Variants in LRFN2 observed in about 807,000 individuals in gnomAD.
The protein encoded by LRFN2 is leucine-rich repeat and fibronectin type-III domain-containing protein 2.
Under a neutral mutation model 37.3 loss-of-function variants are expected in LRFN2, and 18 were observed. That is an observed-to-expected ratio of 0.48 (90% confidence interval 0.33 to 0.72). The LOEUF (loss-of-function observed/expected upper bound fraction) is 0.72, where lower values mean the gene tolerates loss of function less well. LRFN2 is among the 30% of genes least tolerant of loss of function. The pLI, the probability that LRFN2 is intolerant of heterozygous loss-of-function variation, is 0.02. For missense variants in LRFN2, 1,006 were observed against 1,060.7 expected, an observed-to-expected ratio of 0.95 and a Z score of 0.72; for synonymous variants, 556 against 466.6, an observed-to-expected ratio of 1.19 and a Z score of -2.47.
chr6:40,551,772 G>T (rs1766781782), intron 1 of LRFN2, among the ~76,000 whole-genome samples: 1 of 152,178 alleles, frequency 6.6e-6, no homozygotes, highest in South Asian at 2.1e-4. Flanking sequence ...AGTGATTGAA[G>T]AATTCACTGA....
At chr6:40,399,064 G>C (rs1762673509) in intron 2 of LRFN2, among the ~76,000 whole-genome samples, 1 of 151,936 alleles carries the variant, frequency 6.6e-6, no homozygotes, top group Admixed American at 6.5e-5. Context: ...GCACTGGAGA[G>C]AGAGACTGGA....
intron 1 of LRFN2, among the ~76,000 whole-genome samples, chr6:40,551,021 C>A (rs2113922521): frequency 6.6e-6 from 1 of 152,260 alleles, no homozygotes; most frequent in Admixed American, 6.5e-5. Flanking sequence ...GTCATAAAAT[C>A]TCCAGATGTC....
At chr6:40,415,869 G>A (rs775630102) in intron 2 of LRFN2, among the ~76,000 whole-genome samples, 27 of 152,176 alleles carry the variant, frequency 1.8e-4, no homozygotes, top group Non-Finnish European at 3.5e-4. Flanking sequence ...ATAGCACTGG[G>A]TGAAACTGAG....
At chr6:40,465,275 G>A (rs894794900) in intron 1 of LRFN2, among the ~76,000 whole-genome samples, 3 of 152,202 alleles carry the variant, frequency 2.0e-5, no homozygotes, top group Non-Finnish European at 4.4e-5. Context: ...TTAGTTTAAT[G>A]AGACCCATTT....
At chr6:40,465,937 C>T (rs984747862) in intron 1 of LRFN2, among the ~76,000 whole-genome samples, 11 of 152,154 alleles carry the variant, frequency 7.2e-5, no homozygotes, top group African/African-American at 9.6e-5. Flanking sequence ...GGGGTGGAGA[C>T]GGTAACTGGT....
At chr6:40,527,586 A>G (rs74639555) in intron 1 of LRFN2, among the ~76,000 whole-genome samples, 18 of 152,348 alleles carry the variant, frequency 1.2e-4, no homozygotes, top group Non-Finnish European at 2.2e-4. Flanking sequence ...CTGAAATATA[A>G]GAAGGAAGCT....
chr6:40,435,052 T>TAGAG (rs1202054790), intron 1 of LRFN2, among the ~76,000 whole-genome samples: 565 of 37,462 alleles, frequency 0.015, 22 homozygotes, highest in Non-Finnish European at 0.018. Flanking sequence ...TATATATATA[T>TAGAG]AGAGAGAGAG....
intron 1 of LRFN2, among the ~76,000 whole-genome samples, chr6:40,437,761 G>T (rs540641050): frequency 2.8e-4 from 43 of 152,252 alleles, no homozygotes; most frequent in African/African-American, 9.4e-4. Flanking sequence ...GGTTGCAAGG[G>T]CTCTCTCTTT....
chr6:40,514,960 A>G (rs917823580), intron 1 of LRFN2, among the ~76,000 whole-genome samples: 6 of 152,216 alleles, frequency 3.9e-5, no homozygotes, highest in African/African-American at 1.2e-4. Flanking sequence ...AGTAGCCACC[A>G]CCCTGGGCCA....
intron 1 of LRFN2, among the ~76,000 whole-genome samples, chr6:40,533,812 A>C (rs74963615): frequency 0.019 from 2,863 of 152,316 alleles, 47 homozygotes; most frequent in Admixed American, 0.039. Context: ...AGCCTGGACC[A>C]AGGAAAGAGA....
intron 1 of LRFN2, among the ~76,000 whole-genome samples, chr6:40,550,631 T>A (rs553746936): frequency 6.6e-6 from 1 of 152,348 alleles, no homozygotes; most frequent in Admixed American, 6.5e-5. Context: ...GGCCACAATG[T>A]GGCTTTCCAA....
chr6:40,510,902 G>A (rs1350136084), intron 1 of LRFN2, among the ~76,000 whole-genome samples: 1 of 152,158 alleles, frequency 6.6e-6, no homozygotes, highest in Non-Finnish European at 1.5e-5. Context: ...CAAATCCCTA[G>A]GCCAATGCTG....
chr6:40,493,919 C>T (rs1330509788), intron 1 of LRFN2, among the ~76,000 whole-genome samples: 1 of 152,230 alleles, frequency 6.6e-6, no homozygotes, highest in Non-Finnish European at 1.5e-5. Context: ...GTCTATTGGC[C>T]AGGCCAGTGT....
At chr6:40,577,468 A>G (rs9471379) in intron 1 of LRFN2, among the ~76,000 whole-genome samples, 68,522 of 151,414 alleles carry the variant, frequency 0.45, 15,878 homozygotes, top group Middle Eastern at 0.56. Flanking sequence ...CCAGGAGGGT[A>G]CATGTGCACA....
At position 40,392,737 on chromosome 6, in the gene LRFN2, G is replaced by T. The variant is rs768550884; in HGVS notation, c.1576C>A (p.His526Asn). 1.2e-6 allele frequency: 2 copies of T among 1,614,148 alleles called. No homozygotes were observed. Among genetic ancestry groups the T allele is most frequent in the Admixed American group, 1.7e-5 (1 of 60,030 alleles). Residue 526 changes from histidine to asparagine, a missense_variant, in exon 3 of 3, where the codon CAC becomes AAC. Physicochemically the swap from His to Asn is moderately conservative, Grantham distance 68. Around this residue, in one of 4 missense-constraint regions of LRFN2, gnomAD observed 120 missense variants for 178.4 expected, o/e 0.67. Transcript: ENST00000338305. This position sits in a 1 kb window ranked among gnomAD's most constrained non-coding sequence, Gnocchi z 4.7. Reference protein sequence around the residue: ...KADYPQCQSMHSQILGGTMIL... With the variant: ...KADYPQCQSMNSQILGGTMIL... ...ATGGTGCCGCCCAGAATCTGGCTGTGCATGGACTGGCACTGCGGGTAGTCA... is the reference window on the plus strand; with the variant it reads ...ATGGTGCCGCCCAGAATCTGGCTGTTCATGGACTGGCACTGCGGGTAGTCA...
intron 1 of LRFN2, among the ~76,000 whole-genome samples, chr6:40,570,775 A>G (rs1767173678): frequency 6.6e-6 from 1 of 152,218 alleles, no homozygotes; most frequent in Non-Finnish European, 1.5e-5. Flanking sequence ...ATGGTGTTCT[A>G]GGCAGAATGC....
At chr6:40,524,802 T>G (rs972984434) in intron 1 of LRFN2, among the ~76,000 whole-genome samples, 1 of 152,190 alleles carries the variant, frequency 6.6e-6, no homozygotes, top group Non-Finnish European at 1.5e-5. Flanking sequence ...AACAACTCAT[T>G]CTTATCCTGA....
chr6:40,438,430 C>T (rs967111872), intron 1 of LRFN2, among the ~76,000 whole-genome samples: 3 of 152,206 alleles, frequency 2.0e-5, no homozygotes, highest in African/African-American at 4.8e-5. Context: ...GTGCAGTGAG[C>T]AACTTGCCCC....
chr6:40,572,416 T>A (rs2494941), intron 1 of LRFN2, among the ~76,000 whole-genome samples: 81,771 of 151,856 alleles, frequency 0.54, 22,852 homozygotes, highest in African/African-American at 0.68. Context: ...AATGGGGGAG[T>A]GATGTAGCCA....
Sources: allele counts gnomAD v4.1 joint callset (sites outside exome capture counted in the v4.1 genomes callset), GRCh38; gene constraint gnomAD v4.1.1; regional missense constraint gnomAD v4.1.1; non-coding constraint Gnocchi (gnomAD v3.1); transcripts MANE v1.5; gene names NCBI Gene and HGNC (gene_info 2026-07-23, HGNC 2026-07-21).